AHCYL1: variants seen among roughly 807,000 people sequenced by gnomAD.
The protein encoded by AHCYL1 is adenosylhomocysteinase like 1, also known as S-adenosylhomocysteine hydrolase-like protein 1.
A neutral mutation model predicts 79.3 loss-of-function variants in AHCYL1; 20 were observed. The observed-to-expected ratio is 0.25, with a 90% CI of 0.18 to 0.37. AHCYL1 has a LOEUF of 0.37. AHCYL1 is among the 10% of genes least tolerant of loss of function. The pLI is 1.00. For missense variants in AHCYL1, 330 were observed against 673.6 expected (o/e 0.49, Z 5.65); for synonymous variants, 223 against 242.2 (o/e 0.92, Z 0.74).
At chr1:109,989,872 A>G (rs897671537) in intron 1 of AHCYL1, among the ~76,000 whole-genome samples, 1 of 152,364 alleles carries the variant, frequency 6.6e-6, no homozygotes, top group South Asian at 2.1e-4. Context: ...GTGAAGGGCA[A>G]CCTACGTGCA....
At chr1:109,998,335 C>A (rs1477616196) in intron 1 of AHCYL1, among the ~76,000 whole-genome samples, 1 of 152,032 alleles carries the variant, frequency 6.6e-6, no homozygotes, top group Non-Finnish European at 1.5e-5. Flanking sequence ...AATTCTTATT[C>A]TTGGGCCAGG....
Position 110,021,900 on chromosome 1 carries a change from A to C in AHCYL1, c.*220A>C. 1 of 500,798 alleles carries C rather than the reference A, an allele frequency of 2.0e-6. No individual in the cohort carries two copies. The highest frequency in any genetic ancestry group is 3.5e-6 in the Non-Finnish European group (1 of 287,514). The allele number at this position is 500,798 out of a possible 1,614,324, so 31.0% of individuals were successfully genotyped here. A position where few individuals can be genotyped will look rare whatever the true frequency, so the allele number is the denominator to read the frequency against. On this transcript the variant is annotated 3_prime_UTR_variant, in exon 17 of 17. Coordinates refer to ENST00000369799, the MANE Select transcript of AHCYL1 (RefSeq NM_006621.7). The stretch of plus-strand genomic sequence containing the variant: ...AAGTTCAGGGTTCCTCACTCTAGTC[A>C]CTAAAGAAGGATTTTACTCTCCCAG...
intron 1 of AHCYL1, among the ~76,000 whole-genome samples, chr1:109,986,529 A>G (rs17025290): frequency 0.046 from 7,039 of 152,310 alleles, 461 homozygotes; most frequent in African/African-American, 0.14. Flanking sequence ...TGTTGGGACA[A>G]TGACCCTTTG....
chr1:109,988,215 CT>C lies in AHCYL1; in HGVS notation c.120+3047del, dbSNP rs145566124. Among the ~76,000 whole-genome samples the C allele has an allele frequency of 3.9e-5, 6 of 152,146 alleles. No individual in the cohort carries two copies. The East Asian group carries it at 1.2e-3, about 29-fold the overall frequency. On this transcript the variant is annotated intron_variant, in intron 1 of 16. Transcript: ENST00000369799. The stretch of plus-strand genomic sequence containing the variant: ...ACATGTCAATTCCTCAAGGGGACGA[CT>C]TTTCCTGACACAGAGTTCTAAAATA...
In AHCYL1 at chr1:110,018,358, C is replaced by T. The variant is rs757488093; in HGVS notation, c.1124-15C>T. The T allele has an allele frequency of 3.7e-6, 6 of 1,612,742 alleles. No homozygotes were observed. In the African/African-American group the frequency reaches 6.7e-5, roughly 18 times the overall value. ...CCCGGCATCTCTTTCCTTAACCACC[C>T]ATCTTTTCTTTTAGGAAATAAGAAT... On this transcript the variant is annotated splice_polypyrimidine_tract_variant and intron_variant, in intron 11 of 16. Coordinates refer to ENST00000369799, the MANE Select transcript of AHCYL1 (RefSeq NM_006621.7).
intron 1 of AHCYL1, among the ~76,000 whole-genome samples, chr1:109,993,927 G>T (rs1649890156): frequency 6.6e-6 from 1 of 152,202 alleles, no homozygotes; most frequent in Non-Finnish European, 1.5e-5. Flanking sequence ...GAGTTGAATA[G>T]TTTGATTTTG....
intron 1 of AHCYL1, among the ~76,000 whole-genome samples, chr1:109,991,769 G>A (rs1220581856): frequency 6.6e-6 from 1 of 152,192 alleles, no homozygotes; most frequent in East Asian, 1.9e-4. Context: ...GAGTGACAGA[G>A]TAAAGGGGCA....
chr1:109,999,266 T>G (rs1650180193), intron 1 of AHCYL1, among the ~76,000 whole-genome samples: 1 of 152,234 alleles, frequency 6.6e-6, no homozygotes, highest in Admixed American at 6.5e-5. Flanking sequence ...ATAGTTACTT[T>G]GTGTATATGT....
chr1:110,015,356 AG>A lies in AHCYL1; in HGVS notation c.676-68del, dbSNP rs373499686. The stretch of plus-strand genomic sequence containing the variant: ...ACAGGGCTCTCTTACTAGTACAGAA[AG>A]TGGGTTCAAAGTTCCCCCCAGCCCT... On this transcript the variant is annotated intron_variant, in intron 6 of 16. Coordinates refer to ENST00000369799, the MANE Select transcript of AHCYL1 (RefSeq NM_006621.7). 2.2e-4 allele frequency: 275 copies of A among 1,228,266 alleles called. No homozygotes were observed. The African/African-American group carries it at 3.5e-3, about 16-fold the overall frequency. The allele number at this position is 1,228,266 out of a possible 1,614,324, so 76.1% of individuals were successfully genotyped here. A position where few individuals can be genotyped will look rare whatever the true frequency, so the allele number is the denominator to read the frequency against.
chr1:109,993,092 A>G (rs1267833613), intron 1 of AHCYL1, among the ~76,000 whole-genome samples: 1 of 148,582 alleles, frequency 6.7e-6, no homozygotes, highest in African/African-American at 2.6e-5. Flanking sequence ...TCAGGAACTT[A>G]ACACACATTC....
Position 109,995,426 on chromosome 1 carries a change from C to T in AHCYL1, c.120+10254C>T, listed in dbSNP as rs144007474. 2.0e-5 allele frequency among the ~76,000 whole-genome samples: 3 copies of T among 152,314 alleles called. No individual in the cohort carries two copies. The East Asian group carries it at 5.8e-4, about 29-fold the overall frequency. The stretch of plus-strand genomic sequence containing the variant: ...CTAATAAAAATACAATCTCGGTCTT[C>T]CTCAGACAGTCTCTTTGTCATGTTC... On this transcript the variant is annotated intron_variant, in intron 1 of 16. Transcript: ENST00000369799.
chr1:110,010,683 A>G (rs1650968760), intron 2 of AHCYL1, among the ~76,000 whole-genome samples: 1 of 152,216 alleles, frequency 6.6e-6, no homozygotes, highest in African/African-American at 2.4e-5. Context: ...TAGCAGCATC[A>G]GCAACACCTG....
intron 1 of AHCYL1, among the ~76,000 whole-genome samples, chr1:109,992,081 C>A (rs111340642): frequency 9.3e-5 from 13 of 140,292 alleles, no homozygotes; most frequent in African/African-American, 3.5e-4. Context: ...AATCTGGGGG[C>A]GGGGGGAAGA....
intron 1 of AHCYL1, among the ~76,000 whole-genome samples, chr1:109,989,880 G>A (rs1036042956): frequency 6.6e-6 from 1 of 152,198 alleles, no homozygotes; most frequent in African/African-American, 2.4e-5. Context: ...CAACCTACGT[G>A]CATAGACCAG....
chr1:110,020,643 TA>T (rs34617914), intron 15 of AHCYL1, 87 bp from the exon 16 acceptor site: 1 of 1,480,286 alleles, frequency 6.8e-7, no homozygotes, highest in Non-Finnish European at 9.0e-7. Context: ...TCTGCTTTCT[TA>T]AAAAAGCTTC....
At chr1:109,991,655 C>T (rs1220345043) in intron 1 of AHCYL1, among the ~76,000 whole-genome samples, 1 of 152,142 alleles carries the variant, frequency 6.6e-6, no homozygotes, top group Admixed American at 6.5e-5. Flanking sequence ...TGCGAGTGTA[C>T]GATGGCATTA....
intron 1 of AHCYL1, among the ~76,000 whole-genome samples, chr1:109,990,628 AC>A (rs1260209658): frequency 2.6e-5 from 4 of 152,218 alleles, no homozygotes; most frequent in African/African-American, 9.7e-5. Context: ...GCTTACAGCT[AC>A]TGAACCCCAA....
At chr1:109,985,521 G>T in intron 1 of AHCYL1, 2 of 1,007,682 alleles carry the variant, frequency 2.0e-6, no homozygotes, top group Non-Finnish European at 2.4e-6. Flanking sequence ...GGGGCATGGG[G>T]TGTACAGAAA....
chr1:110,018,820 A>G (rs993671376), intron 13 of AHCYL1, 170 bp downstream of exon 13: 6 of 759,198 alleles, frequency 7.9e-6, no homozygotes, highest in South Asian at 5.5e-5. Context: ...AAAAAAATCT[A>G]CTTTTTACTA....
Sources: allele counts gnomAD v4.1 joint callset (sites outside exome capture counted in the v4.1 genomes callset), GRCh38; gene constraint gnomAD v4.1.1; transcripts MANE v1.5; gene names NCBI Gene and HGNC (gene_info 2026-07-23, HGNC 2026-07-21).